PRDM6: variants seen among roughly 807,000 people sequenced by gnomAD.
PRDM6 encodes putative histone-lysine N-methyltransferase PRDM6.
A neutral mutation model predicts 60.8 loss-of-function variants in PRDM6; 25 were observed. The ratio of observed to expected loss-of-function variants is 0.41; its 90% CI spans 0.30 to 0.57. The LOEUF is 0.57. PRDM6 is among the 20% of genes least tolerant of loss of function. The pLI, the probability that PRDM6 is intolerant of heterozygous loss-of-function variation, is 0.27. For synonymous variants in PRDM6, 407 were observed against 357.4 expected (o/e 1.14, Z -1.57); for missense variants, 839 against 821.3 (o/e 1.02, Z -0.26).
intron 6 of PRDM6, among the ~76,000 whole-genome samples, chr5:123,177,404 A>C (rs6862193): frequency 0.12 from 18,182 of 152,146 alleles, 1,372 homozygotes; most frequent in African/African-American, 0.21. Flanking sequence ...TCTAAATTCT[A>C]TACAGAATCA....
intron 5 of PRDM6, 40 bp downstream of exon 5, chr5:123,159,678 A>G: frequency 6.5e-7 from 1 of 1,540,632 alleles, no homozygotes; most frequent in Non-Finnish European, 8.8e-7. Context: ...ATTTCAATAT[A>G]CCTATTTCAA....
At chr5:123,115,273 C>T (rs951588094) in intron 3 of PRDM6, among the ~76,000 whole-genome samples, 3 of 152,148 alleles carry the variant, frequency 2.0e-5, no homozygotes, top group African/African-American at 7.2e-5. Flanking sequence ...GCTGCCACTC[C>T]TAAATGTGTT....
intron 3 of PRDM6, among the ~76,000 whole-genome samples, chr5:123,109,485 A>G (rs2150211808): frequency 6.6e-6 from 1 of 152,304 alleles, no homozygotes; most frequent in East Asian, 1.9e-4. Flanking sequence ...AAAACAAAAG[A>G]TTGTATGTAT....
intron 6 of PRDM6, among the ~76,000 whole-genome samples, chr5:123,176,278 A>T (rs992155857): frequency 2.0e-5 from 3 of 150,866 alleles, no homozygotes; most frequent in Admixed American, 2.0e-4. Flanking sequence ...GGTAAAAAAA[A>T]AAAAACAAAA....
chr5:123,145,243 G>T (rs1220104214), intron 3 of PRDM6, among the ~76,000 whole-genome samples: 2 of 152,134 alleles, frequency 1.3e-5, no homozygotes, highest in Non-Finnish European at 2.9e-5. Context: ...AATATCCAAA[G>T]GTTGGATGGG....
chr5:123,110,568 C>CT (rs974674301), intron 3 of PRDM6, among the ~76,000 whole-genome samples: 1,734 of 116,866 alleles, frequency 0.015, 22 homozygotes, highest in Middle Eastern at 0.025. Context: ...TTTTTTTTTT[C>CT]TTTTTTTTTT....
chr5:123,136,583 C>T (rs543429738), intron 3 of PRDM6, among the ~76,000 whole-genome samples: 1 of 152,068 alleles, frequency 6.6e-6, no homozygotes, highest in Non-Finnish European at 1.5e-5. Flanking sequence ...TATTTTGGAG[C>T]CTTTTGACCA....
intron 3 of PRDM6, among the ~76,000 whole-genome samples, chr5:123,121,898 T>C (rs1323002150): frequency 6.7e-6 from 1 of 150,290 alleles, no homozygotes; most frequent in Non-Finnish European, 1.5e-5. Flanking sequence ...GTGCGGTGGC[T>C]CATGTCTATA....
Position 123,089,357 on chromosome 5 carries a change from A to G in PRDM6, c.-178A>G, listed in dbSNP as rs80146384. Reference sequence around the variant, plus strand: ...TCTCGCGCCCTCCGCGGGCCTCCCAATTTTCTCGCTTGCAGGTCGGGAGGT... The same window carrying G: ...TCTCGCGCCCTCCGCGGGCCTCCCAGTTTTCTCGCTTGCAGGTCGGGAGGT... On this transcript the variant is annotated 5_prime_UTR_variant, in exon 1 of 8. Transcript: ENST00000407847. 17,771 of 151,690 alleles carry G rather than the reference A, an allele frequency of 0.12. 1,160 individuals are homozygous for G. Among genetic ancestry groups the G allele is most frequent in the East Asian group, 0.17 (836 of 5,052 alleles). 9.4% of individuals were successfully genotyped at this position (151,690 alleles called of 1,614,324 possible).
At chr5:123,187,050 G>A (rs335198) in intron 7 of PRDM6, 37 bp from the exon 8 acceptor site, 99,916 of 1,477,938 alleles carry the variant, frequency 0.068, 3,872 homozygotes, top group Non-Finnish European at 0.079. Context: ...TGCAGGCCCC[G>A]CTCCCTGGTC....
chr5:123,131,462 T>C (rs532948086), intron 3 of PRDM6, among the ~76,000 whole-genome samples: 1 of 152,304 alleles, frequency 6.6e-6, no homozygotes, highest in East Asian at 1.9e-4. Flanking sequence ...GTACCAGTAT[T>C]ATATAAAAAA....
Position 123,094,033 on chromosome 5 carries a change from C to T in PRDM6, c.592+3427C>T, listed in dbSNP as rs559270039. Among the ~76,000 whole-genome samples the T allele has an allele frequency of 2.6e-5, 4 of 152,002 alleles. No individual in the cohort carries two copies. In the South Asian group the frequency reaches 6.3e-4, roughly 24 times the overall value. On this transcript the variant is annotated intron_variant, in intron 2 of 7. Coordinates refer to ENST00000407847, the MANE Select transcript of PRDM6 (RefSeq NM_001136239.4). ...TGCGCAGGGAACAGGCTGGAAACAG[C>T]GCCGGTGTGTGCATGGGTGTGGGAG... is the stretch of plus-strand genomic sequence containing the variant.
chr5:123,101,875 T>G (rs536242326), intron 3 of PRDM6, among the ~76,000 whole-genome samples: 1 of 152,346 alleles, frequency 6.6e-6, no homozygotes, highest in East Asian at 1.9e-4. Context: ...TAAAATTTTG[T>G]TGTAGTAAAG....
chr5:123,186,684 T>C (rs1363447360), intron 7 of PRDM6, among the ~76,000 whole-genome samples: 1 of 152,242 alleles, frequency 6.6e-6, no homozygotes, highest in Non-Finnish European at 1.5e-5. Flanking sequence ...GAATTCCCAA[T>C]TGTAAATTAG....
chr5:123,180,380 C>T lies in PRDM6; in HGVS notation c.1673+57C>T, dbSNP rs1766121955. The T allele has an allele frequency of 1.7e-5, 25 of 1,489,648 alleles. No homozygotes were observed. In the South Asian group the frequency reaches 3.2e-4, roughly 19 times the overall value. The allele number at this position is 1,489,648 out of a possible 1,614,324, so 92.3% of individuals were successfully genotyped here. ...TCTCTTAGCCTTTCCCAAGAGCCAG[C>T]TGATGCATCAGCACAGTGCTGCCTG... On this transcript the variant is annotated intron_variant, in intron 7 of 7. Coordinates refer to ENST00000407847, the MANE Select transcript of PRDM6 (RefSeq NM_001136239.4).
intron 3 of PRDM6, among the ~76,000 whole-genome samples, chr5:123,146,071 C>T (rs1282936522): frequency 1.3e-5 from 2 of 152,126 alleles, no homozygotes; most frequent in African/African-American, 4.8e-5. Flanking sequence ...CAAACATTTC[C>T]CACTTAATAC....
intron 3 of PRDM6, among the ~76,000 whole-genome samples, chr5:123,145,765 C>G (rs916318254): frequency 6.6e-6 from 1 of 152,192 alleles, no homozygotes; most frequent in African/African-American, 2.4e-5. Flanking sequence ...CAGACGGCCA[C>G]TTTTCCCTTA....
intron 3 of PRDM6, among the ~76,000 whole-genome samples, chr5:123,143,480 C>T (rs919137949): frequency 5.9e-5 from 9 of 152,100 alleles, no homozygotes; most frequent in African/African-American, 1.9e-4. Context: ...CTGATGTGAG[C>T]CATAACCTCT....
chr5:123,104,341 A>G (rs1007991251), intron 3 of PRDM6, among the ~76,000 whole-genome samples: 9 of 152,268 alleles, frequency 5.9e-5, no homozygotes, highest in South Asian at 4.2e-4. Context: ...AATTTCATAT[A>G]TACAGTACTA....
Sources: gnomAD v4.1 joint callset for allele counts (sites outside exome capture counted in the v4.1 genomes callset) on GRCh38, gnomAD v4.1.1 for gene constraint, MANE v1.5 for transcripts, NCBI Gene and HGNC (gene_info 2026-07-23, HGNC 2026-07-21) for gene names.